Variants in NOMO3 observed in about 807,000 individuals in gnomAD.
NOMO3 encodes BOS complex subunit NOMO3.
A neutral mutation model predicts 69.9 loss-of-function variants in NOMO3; 15 were observed. That is an observed-to-expected ratio of 0.21 (90% CI 0.14 to 0.33). The LOEUF is 0.33. Ranked by LOEUF, NOMO3 falls within the 10% of genes least tolerant of loss-of-function variation. NOMO3 has a pLI of 1.00. For missense variants in NOMO3, 218 were observed against 761.0 expected, an observed-to-expected ratio of 0.29 and a Z score of 8.39; for synonymous variants, 89 against 301.9, an observed-to-expected ratio of 0.29 and a Z score of 7.31.
intron 8 of NOMO3, 63 bp from the exon 9 acceptor site, chr16:16,252,368 GAT>G (rs2049471082): frequency 1.7e-6 from 1 of 604,030 alleles, no homozygotes; most frequent in Admixed American, 3.1e-5. Flanking sequence ...CTGCTAGATC[GAT>G]TATTAATATT....
chr16:16,255,061 C>T lies in NOMO3; in HGVS notation c.964-659C>T, dbSNP rs370082005. ...CCGAGTAGCTGGGATTACAGGCGCC[C>T]GCCACCACACCTGGCTAATTTTTGT... is the stretch of plus-strand genomic sequence containing the variant. On this transcript the variant is annotated intron_variant, in intron 9 of 30. Transcript: ENST00000399336. Among the ~76,000 whole-genome samples the T allele has an allele frequency of 8.3e-5, 12 of 143,992 alleles. 1 individual carries two copies. In the East Asian group the frequency reaches 9.0e-4, roughly 11 times the overall value. 94.5% of individuals were successfully genotyped at this position (143,992 alleles called of 152,430 possible). A position where few individuals can be genotyped will look rare whatever the true frequency, so the allele number is the denominator to read the frequency against.
chr16:16,242,011 A>G (rs2049377852), intron 3 of NOMO3, among the ~76,000 whole-genome samples: 1 of 143,400 alleles, frequency 7.0e-6, no homozygotes, highest in Admixed American at 6.8e-5. Flanking sequence ...TACACTTGAT[A>G]TCGTCAGTTT....
chr16:16,236,077 T>C (rs1399232279), intron 1 of NOMO3: 2 of 168,170 alleles, frequency 1.2e-5, no homozygotes, highest in Non-Finnish European at 2.4e-5. Context: ...CTTTTTAGTC[T>C]CTTTTTCTTC....
rs1362594608 is a variant in NOMO3, at chr16:16,263,458, C to G, written c.1538-55C>G. On this transcript the variant is annotated intron_variant, in intron 13 of 30. Coordinates refer to ENST00000399336, the MANE Select transcript of NOMO3 (RefSeq NM_001004067.4). ...TATTACATAGGGTTAGGATTCGAAC[C>G]TGTGCTGAAGCCTTATAAGGGGTCA... 11 of 651,878 alleles carry G rather than the reference C, an allele frequency of 1.7e-5. 1 individual carries two copies. Among genetic ancestry groups the G allele is most frequent in the Non-Finnish European group, 2.8e-5 (11 of 387,824 alleles). The allele number at this position is 651,878 out of a possible 1,614,324, so 40.4% of individuals were successfully genotyped here.
At position 16,265,125 on chromosome 16, in the gene NOMO3, G is replaced by A. The variant is rs915692926; in HGVS notation, c.1752G>A (p.Glu584=). The part of the protein sequence containing the change: ...EVLEDDVSAV[E]FRQTGYMLRC... ...TGGAGGATGACGTGTCTGCAGTTGAGTTCAGGCAGACGGGCTACATGCTGA... is the reference window on the plus strand; with the variant it reads ...TGGAGGATGACGTGTCTGCAGTTGAATTCAGGCAGACGGGCTACATGCTGA... Residue 584 remains glutamate (E), a synonymous_variant, in exon 15 of 31, where the codon GAG becomes GAA. Coordinates refer to ENST00000399336, the MANE Select transcript of NOMO3 (RefSeq NM_001004067.4). The A allele has an allele frequency of 6.3e-7, 1 of 1,583,454 alleles. No individual in the cohort carries two copies. The highest frequency in any genetic ancestry group is 8.5e-7 in the Non-Finnish European group (1 of 1,176,598).
chr16:16,235,778 G>C lies in NOMO3; in HGVS notation c.166-1123G>C, dbSNP rs1380742048. The C allele has an allele frequency of 8.5e-5, 37 of 436,556 alleles. 1 individual carries two copies. The highest frequency in any genetic ancestry group is 2.4e-5 in the Admixed American group (1 of 40,892). The allele number at this position is 436,556 out of a possible 1,614,324, so 27.0% of individuals were successfully genotyped here. On this transcript the variant is annotated intron_variant, in intron 1 of 30. Transcript: ENST00000399336. Reference sequence around the variant, plus strand: ...CTTCTTTGGCCTCCCAAAGTGCTGGGATTACAGGCATGAGCCACCATGCCT... The same window carrying C: ...CTTCTTTGGCCTCCCAAAGTGCTGGCATTACAGGCATGAGCCACCATGCCT...
intron 3 of NOMO3, among the ~76,000 whole-genome samples, chr16:16,240,794 C>G (rs2049368558): frequency 7.0e-6 from 1 of 142,646 alleles, no homozygotes; most frequent in African/African-American, 2.9e-5. Context: ...TTAGCACCTG[C>G]CATCACCAAG....
At chr16:16,238,859 C>A (rs1195071693) in intron 2 of NOMO3, among the ~76,000 whole-genome samples, 1 of 129,396 alleles carries the variant, frequency 7.7e-6, no homozygotes, top group Non-Finnish European at 1.6e-5. Flanking sequence ...AGGTGGATCG[C>A]CTGAGCTCAG....
chr16:16,268,740 G>A (rs1236151902), intron 16 of NOMO3, among the ~76,000 whole-genome samples: 4 of 142,544 alleles, frequency 2.8e-5, no homozygotes, highest in Non-Finnish European at 5.9e-5. Context: ...GCAGCTGGTA[G>A]ATGTTAGGGG....
intron 11 of NOMO3, among the ~76,000 whole-genome samples, chr16:16,258,322 C>T (rs1435428957): frequency 7.5e-6 from 1 of 132,932 alleles, no homozygotes; most frequent in South Asian, 2.4e-4. Flanking sequence ...GCAAGAAGAG[C>T]TAATTTAGAG....
rs1168263197 is a variant in NOMO3 at position 16,265,128 on chromosome 16, C to T, written c.1755C>T (p.Phe585=). 4 of 1,583,734 alleles carry T rather than the reference C, an allele frequency of 2.5e-6. No individual in the cohort carries two copies. The change falls in exon 15 of 31, where the codon TTC becomes TTT. Residue 585 remains phenylalanine, a synonymous_variant. Transcript: ENST00000399336. ...AGGATGACGTGTCTGCAGTTGAGTT[C>T]AGGCAGACGGGCTACATGCTGAGAT... ...VLEDDVSAVE[F]RQTGYMLRCS... is the part of the protein sequence containing the mutation.
intron 11 of NOMO3, among the ~76,000 whole-genome samples, chr16:16,258,522 G>C (rs1236533682): frequency 7.2e-6 from 1 of 138,552 alleles, no homozygotes; most frequent in Admixed American, 7.0e-5. Flanking sequence ...TTGTAGCCTT[G>C]CTTTGGGATT....
intron 11 of NOMO3, among the ~76,000 whole-genome samples, chr16:16,257,892 C>T (rs2049524989): frequency 7.0e-6 from 1 of 141,852 alleles, no homozygotes; most frequent in Non-Finnish European, 1.5e-5. Context: ...GTCTTTCCCA[C>T]CTTCCATAAA....
At chr16:16,260,829 G>A (rs1224885437) in intron 11 of NOMO3, 3 of 143,522 alleles carry the variant, frequency 2.1e-5, no homozygotes, top group Non-Finnish European at 2.9e-5. Flanking sequence ...TGTTATTCGA[G>A]GGATGCCTTG....
In NOMO3 at chr16:16,263,599, G is replaced by A. The variant is rs754337163; in HGVS notation, c.1624G>A (p.Ala542Thr). Residue 542 changes from alanine (A) to threonine (T), a missense_variant, in exon 14 of 31, where the codon GCC (alanine) becomes ACC (threonine). Physicochemically the swap from Ala to Thr is moderately conservative, Grantham distance 58 (BLOSUM62 0). Transcript: ENST00000399336. ...CCTCCAGCTCTCCGGCAAGGTCAAC[G>A]CCATGACTTTCACCTTTGACAACGT... ...RSLQLSGKVN[A>T]MTFTFDNVLP... 3.0e-5 allele frequency: 22 copies of A among 742,368 alleles called. 1 individual carries two copies. The Admixed American group carries it at 3.3e-4, about 11-fold the overall frequency. 46.0% of individuals were successfully genotyped at this position (742,368 alleles called of 1,614,324 possible).
intron 9 of NOMO3, among the ~76,000 whole-genome samples, chr16:16,252,924 C>T (rs2049476629): frequency 7.4e-6 from 1 of 135,650 alleles, no homozygotes. Context: ...GCCATTGCCT[C>T]CAGGGTTCAA....
Position 16,235,205 on chromosome 16 carries a change from G to A in NOMO3, c.166-1696G>A, listed in dbSNP as rs8047765. On this transcript the variant is annotated intron_variant, in intron 1 of 30. Transcript: ENST00000399336. ...TCCTTTCCCAAATGTTCAAATGTTC[G>A]TTTTATGAGTTAGTCACTTTGTACA... 8.1e-3 allele frequency among the ~76,000 whole-genome samples: 1,226 copies of A among 151,108 alleles called. 91 individuals carry two copies. The highest frequency in any genetic ancestry group is 0.029 in the African/African-American group (1,185 of 40,472).
chr16:16,256,178 T>G lies in NOMO3; in HGVS notation c.1220+20T>G, dbSNP rs1163809782. 3.8e-6 allele frequency: 6 copies of G among 1,587,172 alleles called. No homozygotes were observed. Among genetic ancestry groups the G allele is most frequent in the Non-Finnish European group, 5.1e-6 (6 of 1,174,824 alleles). On this transcript the variant is annotated intron_variant, in intron 11 of 30. Transcript: ENST00000399336. ...AACAGGGTAAGCTTATCGTGTGGATTTGGAAGCACCAGTAAATATGCTGGC... is the reference window on the plus strand; with the variant it reads ...AACAGGGTAAGCTTATCGTGTGGATGTGGAAGCACCAGTAAATATGCTGGC...
intron 16 of NOMO3, among the ~76,000 whole-genome samples, chr16:16,267,555 C>G (rs1311439883): frequency 7.0e-6 from 1 of 142,548 alleles, no homozygotes; most frequent in Non-Finnish European, 1.5e-5. Flanking sequence ...CTGCCTCAGC[C>G]TCTCGAGTAG....
Sources: gnomAD v4.1 joint callset for allele counts (sites outside exome capture counted in the v4.1 genomes callset) on GRCh38, gnomAD v4.1.1 for gene constraint, MANE v1.5 for transcripts, NCBI Gene and HGNC (gene_info 2026-07-23, HGNC 2026-07-21) for gene names.